PRSS23: variants seen among roughly 807,000 people sequenced by gnomAD.
The protein encoded by PRSS23 is protease, serine 23.
Under a neutral mutation model 34.7 loss-of-function variants are expected in PRSS23, and 25 were observed. The observed-to-expected ratio is 0.72, with a 90% CI of 0.53 to 1.01. PRSS23 has a LOEUF of 1.01. PRSS23 is among the 50% of genes least tolerant of loss of function. PRSS23 has a pLI of 0.00. For missense variants in PRSS23, 445 were observed against 475.6 expected (o/e 0.94, Z 0.60); for synonymous variants, 176 against 186.6 (o/e 0.94, Z 0.46).
At chr11:86,832,636 C>T in intron 2 of PRSS23, 1 of 473,904 alleles carries the variant, frequency 2.1e-6, no homozygotes, top group Non-Finnish European at 4.2e-6. Flanking sequence ...TCATTGAGGC[C>T]ACTGCACCCT....
intron 1 of PRSS23, chr11:86,791,215 C>T (rs1219691885): frequency 6.6e-6 from 1 of 152,340 alleles, no homozygotes; most frequent in Non-Finnish European, 1.5e-5. Flanking sequence ...ACCTCACTCC[C>T]CCAGTTCCCA....
chr11:86,951,129 A>T, intron 2 of PRSS23: 1 of 1,613,508 alleles, frequency 6.2e-7, no homozygotes, highest in African/African-American at 1.3e-5. Context: ...GAAAGCATGG[A>T]GGCTGACTAG....
At position 86,861,108 on chromosome 11, in the gene PRSS23, A is replaced by G. The variant is rs1007540078; in HGVS notation, c.206+37515A>G. On this transcript the variant is annotated intron_variant, in intron 2 of 2. Coordinates refer to the PRSS23 transcript ENST00000533902. ...TAATATTACTCGAAATATCGTTAAT[A>G]CCCTGTGTGTCCACCCCCCTGTGAT... 2.6e-5 allele frequency among the ~76,000 whole-genome samples: 4 copies of G among 151,540 alleles called. No individual in the cohort carries two copies. In the East Asian group the frequency reaches 7.8e-4, roughly 29 times the overall value.
chr11:86,893,249 G>A (rs1948853008), intron 2 of PRSS23, among the ~76,000 whole-genome samples: 1 of 152,154 alleles, frequency 6.6e-6, no homozygotes, highest in Admixed American at 6.5e-5. Context: ...CAGACTTCTG[G>A]CCTCCAGAAG....
intron 2 of PRSS23, chr11:86,947,791 G>A (rs1484714331): frequency 2.0e-5 from 3 of 152,258 alleles, no homozygotes; most frequent in Non-Finnish European, 2.9e-5. Context: ...TATGAAGCAG[G>A]AGAAAGGAAT....
At chr11:86,817,832 G>T (rs1948224810) in intron 1 of PRSS23, among the ~76,000 whole-genome samples, 1 of 152,136 alleles carries the variant, frequency 6.6e-6, no homozygotes, top group African/African-American at 2.4e-5. Context: ...TATGAAGTAG[G>T]CATTGATTTT....
chr11:86,951,019 G>C (rs1458602994), intron 2 of PRSS23: 5 of 1,045,404 alleles, frequency 4.8e-6, no homozygotes. Flanking sequence ...GTTGACGGGG[G>C]TCACTTAATT....
chr11:86,889,996 C>T (rs370393338), intron 2 of PRSS23, among the ~76,000 whole-genome samples: 29 of 152,142 alleles, frequency 1.9e-4, no homozygotes, highest in Middle Eastern at 3.4e-3. Flanking sequence ...AGGCCAGGTG[C>T]GGTGGCTCAC....
chr11:86,884,409 C>G (rs149281197), intron 2 of PRSS23, among the ~76,000 whole-genome samples: 3,226 of 152,286 alleles, frequency 0.021, 118 homozygotes, highest in African/African-American at 0.074. Flanking sequence ...AAGTGATTCT[C>G]CTGCCTCAGC....
exon 3 of PRSS23, chr11:86,952,243 G>T (rs774232650): frequency 1.2e-6 from 2 of 1,614,198 alleles, no homozygotes; most frequent in Non-Finnish European, 1.7e-6. Context: ...TGGGGGTTTT[G>T]TGAGGTAAGG....
exon 3 of PRSS23, chr11:86,952,489 G>C (rs1949303003): frequency 1.2e-6 from 2 of 1,608,174 alleles, no homozygotes. Flanking sequence ...GTAACAAAAT[G>C]AACACACACA....
intron 1 of PRSS23, among the ~76,000 whole-genome samples, chr11:86,819,837 C>T (rs1222592627): frequency 6.6e-6 from 1 of 152,132 alleles, no homozygotes; most frequent in Non-Finnish European, 1.5e-5. Flanking sequence ...TAAATCTGTT[C>T]AAAAGTTGCA....
intron 2 of PRSS23, among the ~76,000 whole-genome samples, chr11:86,914,932 G>A (rs895027304): frequency 3.9e-5 from 6 of 152,172 alleles, no homozygotes; most frequent in African/African-American, 1.4e-4. Context: ...TACAAATGGG[G>A]CACAAATAAC....
intron 2 of PRSS23, among the ~76,000 whole-genome samples, chr11:86,915,332 G>A (rs866031927): frequency 7.2e-5 from 11 of 152,080 alleles, no homozygotes; most frequent in Non-Finnish European, 1.5e-5. Flanking sequence ...GTTGGCTCAG[G>A]AGTTAAAGAG....
chr11:86,951,827 T>C (rs777030284), exon 3 of PRSS23: 1 of 1,613,888 alleles, frequency 6.2e-7, no homozygotes, highest in South Asian at 1.1e-5. Flanking sequence ...TCCAAAAAAG[T>C]ACATCAGCAA....
intron 2 of PRSS23, among the ~76,000 whole-genome samples, chr11:86,866,563 T>C (rs531985347): frequency 1.3e-5 from 2 of 152,344 alleles, no homozygotes; most frequent in East Asian, 3.9e-4. Context: ...CTTTTATATA[T>C]GCCAGGCACT....
chr11:86,849,147 A>G (rs1250894447), intron 2 of PRSS23, among the ~76,000 whole-genome samples: 2 of 152,172 alleles, frequency 1.3e-5, no homozygotes, highest in Non-Finnish European at 2.9e-5. Flanking sequence ...GCCAGGAAGT[A>G]CACTTCCTCC....
intron 2 of PRSS23, among the ~76,000 whole-genome samples, chr11:86,893,073 G>A (rs1195014901): frequency 2.0e-5 from 3 of 152,202 alleles, no homozygotes; most frequent in Admixed American, 1.3e-4. Context: ...ACAGAAAAGG[G>A]CACAGAGAGA....
At chr11:86,847,006 G>A (rs1948491363) in intron 2 of PRSS23, among the ~76,000 whole-genome samples, 1 of 152,182 alleles carries the variant, frequency 6.6e-6, no homozygotes, top group African/African-American at 2.4e-5. Flanking sequence ...TGGTGCATGG[G>A]TACAGCTCTT....
Sources: allele counts gnomAD v4.1 joint callset (sites outside exome capture counted in the v4.1 genomes callset), GRCh38; gene constraint gnomAD v4.1.1; transcripts MANE v1.5; gene names NCBI Gene and HGNC (gene_info 2026-07-23, HGNC 2026-07-21).